Variants in GNAL observed in about 807,000 individuals in gnomAD.
GNAL encodes the protein guanine nucleotide-binding protein G(olf) subunit alpha.
GNAL carries 18 observed loss-of-function variants against 55.1 expected under a neutral mutation model. The observed-to-expected ratio is 0.33, with a 90% confidence interval of 0.23 to 0.48. The LOEUF is 0.48. GNAL is among the 20% of genes least tolerant of loss of function. The pLI, the probability that GNAL is intolerant of heterozygous loss-of-function variation, is 0.99. For missense variants in GNAL, 412 were observed against 614.1 expected (o/e 0.67, Z 3.48); for synonymous variants, 253 against 237.0 (o/e 1.07, Z -0.62).
chr18:11,775,543 A>G (rs181823745), intron 4 of GNAL, among the ~76,000 whole-genome samples: 82 of 152,354 alleles, frequency 5.4e-4, no homozygotes, highest in Non-Finnish European at 8.8e-4. Context: ...CTGAGCCACA[A>G]TGTCTAAGCC....
intron 4 of GNAL, among the ~76,000 whole-genome samples, chr18:11,771,408 A>G (rs2033631926): frequency 1.3e-5 from 2 of 152,228 alleles, no homozygotes; most frequent in South Asian, 4.1e-4. Context: ...TTATATGAAC[A>G]GGCATTTCAT....
intron 4 of GNAL, among the ~76,000 whole-genome samples, chr18:11,772,095 A>G (rs1305689187): frequency 6.6e-6 from 1 of 152,182 alleles, no homozygotes; most frequent in Non-Finnish European, 1.5e-5. Flanking sequence ...ATCTAGCCCT[A>G]CAGGAAGATC....
intron 1 of GNAL, among the ~76,000 whole-genome samples, chr18:11,711,154 C>T (rs889171315): frequency 4.6e-5 from 7 of 152,176 alleles, no homozygotes; most frequent in East Asian, 3.9e-4. Flanking sequence ...GGATTACAGG[C>T]GTGAGCCACC....
intron 1 of GNAL, among the ~76,000 whole-genome samples, chr18:11,701,416 C>T (rs926812576): frequency 5.3e-5 from 8 of 152,038 alleles, no homozygotes; most frequent in Non-Finnish European, 1.2e-4. Context: ...CATGGTGAAA[C>T]CCCATCTCTA....
chr18:11,791,199 C>A (rs2034225347), intron 4 of GNAL, among the ~76,000 whole-genome samples: 1 of 152,154 alleles, frequency 6.6e-6, no homozygotes, highest in Non-Finnish European at 1.5e-5. Flanking sequence ...GGTTCTTAAG[C>A]CATGGCTAGG....
At chr18:11,817,866 G>A (rs2034999019) in intron 4 of GNAL, among the ~76,000 whole-genome samples, 1 of 151,916 alleles carries the variant, frequency 6.6e-6, no homozygotes, top group Non-Finnish European at 1.5e-5. Context: ...CGGTATTACA[G>A]GCGTGAGCCA....
intron 4 of GNAL, among the ~76,000 whole-genome samples, chr18:11,819,442 CCTTG>C (rs997577548): frequency 6.6e-6 from 1 of 151,758 alleles, no homozygotes; most frequent in East Asian, 1.9e-4. Context: ...AATTTTAAAG[CCTTG>C]CTTTTAAAAA....
intron 1 of GNAL, among the ~76,000 whole-genome samples, chr18:11,737,475 A>AT (rs1279950268): frequency 1.3e-5 from 2 of 152,036 alleles, no homozygotes; most frequent in Non-Finnish European, 2.9e-5. Flanking sequence ...ACTCTTCTGA[A>AT]TGTCTGTTGC....
rs1026046136 is a variant in GNAL at position 11,805,721 on chromosome 18, G to A, written c.625-19197G>A. The stretch of plus-strand genomic sequence containing the variant: ...TTATGGCCAAAAAGTATTCTATTGC[G>A]TGTATATATACCACATCCAGTCATC... On this transcript the variant is annotated intron_variant, in intron 4 of 11. Transcript: ENST00000334049. Among the ~76,000 whole-genome samples, 8 of 152,092 alleles carry A rather than the reference G, an allele frequency of 5.3e-5. No individual in the cohort carries two copies. In the East Asian group the frequency reaches 7.7e-4, roughly 15 times the overall value.
At chr18:11,723,946 A>T (rs2143413714) in intron 1 of GNAL, among the ~76,000 whole-genome samples, 2 of 152,336 alleles carry the variant, frequency 1.3e-5, no homozygotes, top group Admixed American at 1.3e-4. Flanking sequence ...ATGAGAAGGA[A>T]CTGGTCTTTG....
chr18:11,725,364 G>A (rs367773181), intron 1 of GNAL, among the ~76,000 whole-genome samples: 1 of 152,128 alleles, frequency 6.6e-6, no homozygotes. Flanking sequence ...CGCAAGCCAG[G>A]GAAAGAGACC....
rs1293384426 is a variant in GNAL, at chr18:11,802,635, A to G, written c.625-22283A>G. On this transcript the variant is annotated intron_variant, in intron 4 of 11. Transcript: ENST00000334049. ...CCAAAACTGGTCACTGCATATTTCT[A>G]TATCAGGCGTAATTCTAGCTACTAT... is the stretch of plus-strand genomic sequence containing the variant. Among the ~76,000 whole-genome samples, 9 of 152,192 alleles carry G rather than the reference A, an allele frequency of 5.9e-5. No homozygotes were observed. In the South Asian group the frequency reaches 6.2e-4, roughly 11 times the overall value.
chr18:11,875,595 C>T (rs2036512433), intron 10 of GNAL, among the ~76,000 whole-genome samples: 2 of 152,128 alleles, frequency 1.3e-5, no homozygotes, highest in African/African-American at 2.4e-5. Flanking sequence ...TCTCTCGCTC[C>T]TGCCCTGGCC....
intron 4 of GNAL, among the ~76,000 whole-genome samples, chr18:11,793,938 G>C (rs2034308336): frequency 6.6e-6 from 1 of 150,386 alleles, no homozygotes. Flanking sequence ...AAGGACAAAG[G>C]ACTTGCTTAG....
intron 4 of GNAL, among the ~76,000 whole-genome samples, chr18:11,756,902 T>C (rs2033075447): frequency 6.6e-6 from 1 of 152,250 alleles, no homozygotes; most frequent in South Asian, 2.1e-4. Context: ...TTTTTGAGAT[T>C]GAATCCTTGA....
chr18:11,767,462 T>G (rs1377625389), intron 4 of GNAL, among the ~76,000 whole-genome samples: 1 of 151,872 alleles, frequency 6.6e-6, no homozygotes, highest in Non-Finnish European at 1.5e-5. Context: ...TCTGTGCACC[T>G]TATGCTTGCA....
In GNAL at chr18:11,884,118, A is replaced by G. The variant is rs755097563; in HGVS notation, c.*2983A>G. 4.0e-6 allele frequency: 1 copy of G among 248,866 alleles called. No homozygotes were observed. Among genetic ancestry groups the G allele is most frequent in the Non-Finnish European group, 7.9e-6 (1 of 126,240 alleles). The allele number at this position is 248,866 out of a possible 1,614,324, so 15.4% of individuals were successfully genotyped here. On this transcript the variant is annotated 3_prime_UTR_variant, in exon 12 of 12. Coordinates refer to ENST00000334049, the MANE Select transcript of GNAL (RefSeq NM_182978.4). Reference sequence around the variant, plus strand: ...ATCCCAAGTGTGTGCTGGGGCCACCAGGCCCTTCCTGGGGGAACAAGGACT... The same window carrying G: ...ATCCCAAGTGTGTGCTGGGGCCACCGGGCCCTTCCTGGGGGAACAAGGACT...
intron 4 of GNAL, among the ~76,000 whole-genome samples, chr18:11,815,671 A>AT (rs1278346352): frequency 6.6e-6 from 1 of 152,224 alleles, no homozygotes; most frequent in Non-Finnish European, 1.5e-5. Flanking sequence ...CAGATTATAT[A>AT]TTTTTAAATG....
In GNAL at chr18:11,768,654, G is replaced by A. The variant is rs926452337; in HGVS notation, c.624+14709G>A. On this transcript the variant is annotated intron_variant, in intron 4 of 11. Coordinates refer to ENST00000334049, the MANE Select transcript of GNAL (RefSeq NM_182978.4). ...TCACGCCTGTAATCCCAACACTTTG[G>A]GAGGCCGAGGCGGGCGGATCACGAG... 2.7e-5 allele frequency among the ~76,000 whole-genome samples: 4 copies of A among 150,422 alleles called. No homozygotes were observed. In the Admixed American group the frequency reaches 2.7e-4, roughly 10 times the overall value.
Sources: allele counts gnomAD v4.1 joint callset (sites outside exome capture counted in the v4.1 genomes callset), GRCh38; gene constraint gnomAD v4.1.1; transcripts MANE v1.5; gene names NCBI Gene and HGNC (gene_info 2026-07-23, HGNC 2026-07-21).